Variants in PDE11A observed in about 807,000 individuals in gnomAD.
PDE11A encodes the protein phosphodiesterase 11A.
A neutral mutation model predicts 100.5 loss-of-function variants in PDE11A; 100 were observed. The ratio of observed to expected loss-of-function variants is 1.00; its 90% CI spans 0.85 to 1.18. The LOEUF (loss-of-function observed/expected upper bound fraction) is 1.18, where lower values mean the gene tolerates loss of function less well. PDE11A is among the 50% of genes most tolerant of loss of function. The probability of loss-of-function intolerance (pLI) is 0.00; values close to 1 mark genes in which losing one functional copy is unlikely to be tolerated. For synonymous variants in PDE11A, 381 were observed against 420.8 expected, an observed-to-expected ratio of 0.91 and a Z score of 1.16; for missense variants, 1,141 against 1,152.6, an observed-to-expected ratio of 0.99 and a Z score of 0.15.
At chr2:177,950,418 T>G (rs1190855658) in intron 2 of PDE11A, among the ~76,000 whole-genome samples, 1 of 152,194 alleles carries the variant, frequency 6.6e-6, no homozygotes, top group Non-Finnish European at 1.5e-5. Context: ...TGCTTTAGTC[T>G]TCATCCTCAA....
chr2:177,804,146 A>C (rs889169842), intron 9 of PDE11A, among the ~76,000 whole-genome samples: 1 of 152,140 alleles, frequency 6.6e-6, no homozygotes, highest in African/African-American at 2.4e-5. Flanking sequence ...CTACAGGAAA[A>C]AAAAATCAAC....
intron 13 of PDE11A, among the ~76,000 whole-genome samples, chr2:177,703,947 A>G (rs2105546383): frequency 6.6e-6 from 1 of 152,272 alleles, no homozygotes; most frequent in African/African-American, 2.4e-5. Flanking sequence ...CTATGGTTTG[A>G]CCATCTTCCT....
At chr2:177,657,558 G>A (rs1381957447) in intron 19 of PDE11A, among the ~76,000 whole-genome samples, 2 of 152,076 alleles carry the variant, frequency 1.3e-5, no homozygotes, top group Non-Finnish European at 2.9e-5. Flanking sequence ...GAACACAGAG[G>A]AGACCATGTA....
intron 12 of PDE11A, among the ~76,000 whole-genome samples, chr2:177,725,600 T>C (rs1171589830): frequency 6.6e-6 from 1 of 152,138 alleles, no homozygotes; most frequent in Non-Finnish European, 1.5e-5. Flanking sequence ...TCAAGATTGC[T>C]GAGCATACTT....
chr2:178,094,409 G>A (rs192271734), intron 2 of PDE11A, among the ~76,000 whole-genome samples: 150 of 152,128 alleles, frequency 9.9e-4, no homozygotes, highest in African/African-American at 3.4e-3. Flanking sequence ...GTGCACTTCC[G>A]GGGTCCCAGC....
intron 2 of PDE11A, among the ~76,000 whole-genome samples, chr2:177,972,341 T>C (rs2085782389): frequency 6.6e-6 from 1 of 152,066 alleles, no homozygotes; most frequent in African/African-American, 2.4e-5. Flanking sequence ...TGCTCTAAGA[T>C]CAAGAGGAGC....
intron 9 of PDE11A, among the ~76,000 whole-genome samples, chr2:177,796,567 A>G (rs1420674280): frequency 1.3e-5 from 2 of 152,098 alleles, no homozygotes; most frequent in African/African-American, 2.4e-5. Flanking sequence ...AGTAACTCCA[A>G]TGTCTTCTAA....
intron 5 of PDE11A, among the ~76,000 whole-genome samples, chr2:177,859,491 G>GA (rs201939724): frequency 0.013 from 1,951 of 151,860 alleles, 36 homozygotes; most frequent in African/African-American, 0.044. Flanking sequence ...TGAGAGAACT[G>GA]AAAGGACAAA....
At chr2:177,828,659 T>G (rs1014991474) in intron 6 of PDE11A, among the ~76,000 whole-genome samples, 1 of 152,134 alleles carries the variant, frequency 6.6e-6, no homozygotes, top group Non-Finnish European at 1.5e-5. Context: ...GTATTTCAGC[T>G]GAGGGAGTAG....
At chr2:177,683,709 G>GC (rs1028336993) in intron 15 of PDE11A, among the ~76,000 whole-genome samples, 11 of 152,242 alleles carry the variant, frequency 7.2e-5, no homozygotes, top group African/African-American at 2.6e-4. Flanking sequence ...CAAAGTGTCT[G>GC]CTTGCCTAAT....
intron 4 of PDE11A, among the ~76,000 whole-genome samples, chr2:177,884,290 A>G (rs971702961): frequency 6.6e-6 from 1 of 152,146 alleles, no homozygotes; most frequent in Non-Finnish European, 1.5e-5. Flanking sequence ...ACATTTCTCC[A>G]TCCTTCCTCA....
At chr2:177,984,321 A>G (rs1222418846) in intron 2 of PDE11A, among the ~76,000 whole-genome samples, 3 of 152,196 alleles carry the variant, frequency 2.0e-5, no homozygotes, top group South Asian at 4.1e-4. Flanking sequence ...ACTATATATT[A>G]AAAATATAGA....
At chr2:177,885,742 C>T (rs759947349) in intron 4 of PDE11A, among the ~76,000 whole-genome samples, 2 of 152,072 alleles carry the variant, frequency 1.3e-5, no homozygotes, top group Non-Finnish European at 2.9e-5. Flanking sequence ...GGATGCTCGC[C>T]CCATCTCTTC....
rs541751175 is a variant in PDE11A, at chr2:177,840,392, G to A, written c.1368-9C>T. On this transcript the variant is annotated splice_polypyrimidine_tract_variant and intron_variant, in intron 5 of 19. Coordinates refer to ENST00000286063, the MANE Select transcript of PDE11A (RefSeq NM_016953.4). ...CCATGCTTTCTTTGAAACTATCAGAGCACCAAGGTAGGCAGGAAGAAAAGA... is the reference window on the plus strand; with the variant it reads ...CCATGCTTTCTTTGAAACTATCAGAACACCAAGGTAGGCAGGAAGAAAAGA... 6 of 1,613,148 alleles carry A rather than the reference G, an allele frequency of 3.7e-6. No individual in the cohort carries two copies. The African/African-American group carries it at 5.3e-5, about 14-fold the overall frequency.
chr2:177,783,422 C>T (rs574175311), intron 9 of PDE11A, among the ~76,000 whole-genome samples: 58 of 152,212 alleles, frequency 3.8e-4, no homozygotes, highest in Admixed American at 6.5e-4. Context: ...TTTTTTTCCC[C>T]CTGGAATTTG....
At chr2:177,902,588 T>A (rs1389831730) in intron 3 of PDE11A, among the ~76,000 whole-genome samples, 2 of 152,256 alleles carry the variant, frequency 1.3e-5, no homozygotes, top group Non-Finnish European at 2.9e-5. Context: ...CCTGGATGTG[T>A]CCTTGGAGCT....
At position 177,850,845 on chromosome 2, in the gene PDE11A, C is replaced by T. The variant is rs960669261; in HGVS notation, c.1368-10462G>A. Among the ~76,000 whole-genome samples, 1,081 of 152,214 alleles carry T rather than the reference C, an allele frequency of 7.1e-3. 13 individuals are homozygous for T. The highest frequency in any genetic ancestry group is 0.024 in the African/African-American group (1,005 of 41,516). On this transcript the variant is annotated intron_variant, in intron 5 of 19. Coordinates refer to ENST00000286063, the MANE Select transcript of PDE11A (RefSeq NM_016953.4). Reference sequence around the variant, plus strand: ...TCAAAACCACAATGAGATACCATCTCACACCAGTTAGAATGGCAATCATTA... The same window carrying T: ...TCAAAACCACAATGAGATACCATCTTACACCAGTTAGAATGGCAATCATTA...
rs952698571 is a variant in PDE11A, at chr2:178,053,952, G to C, written c.912+17574C>G. On this transcript the variant is annotated intron_variant, in intron 1 of 19. Transcript: ENST00000286063. ...CATACTGCCCAAAGTAATGTATAGA[G>C]TCAATGCCATCCCCATCAAGCTACC... is the stretch of plus-strand genomic sequence containing the variant. Among the ~76,000 whole-genome samples the C allele has an allele frequency of 2.6e-5, 4 of 152,062 alleles. No homozygotes were observed. The East Asian group carries it at 5.8e-4, about 22-fold the overall frequency.
At chr2:177,771,924 C>T (rs1230521643) in intron 9 of PDE11A, among the ~76,000 whole-genome samples, 1 of 151,996 alleles carries the variant, frequency 6.6e-6, no homozygotes, top group Non-Finnish European at 1.5e-5. Context: ...ATCGCTTGAA[C>T]CCGGGAGGCG....
Sources: allele counts gnomAD v4.1 joint callset (sites outside exome capture counted in the v4.1 genomes callset), GRCh38; gene constraint gnomAD v4.1.1; transcripts MANE v1.5; gene names NCBI Gene and HGNC (gene_info 2026-07-23, HGNC 2026-07-21).